The following MYO16 variants were observed in gnomAD, a reference collection of about 807,000 sequenced individuals.
The protein encoded by MYO16 is myosin XVI.
In MYO16, 94 loss-of-function variants were observed where a neutral mutation model predicts 205.3. That is an observed-to-expected ratio of 0.46 (90% CI 0.39 to 0.54). The LOEUF (loss-of-function observed/expected upper bound fraction) is 0.54, where lower values mean the gene tolerates loss of function less well. Among genes scored for constraint, MYO16 ranks in the 20% least tolerant of loss-of-function variants. The probability of loss-of-function intolerance (pLI) is 0.00; values close to 1 mark genes in which losing one functional copy is unlikely to be tolerated. For synonymous variants in MYO16, 988 were observed against 954.0 expected, an observed-to-expected ratio of 1.04 and a Z score of -0.66; for missense variants, 2,315 against 2,387.5, an observed-to-expected ratio of 0.97 and a Z score of 0.63.
the MYO16 span, among the ~76,000 whole-genome samples, chr13:108,510,437 T>TC: frequency 7.2e-6 from 1 of 138,058 alleles, no homozygotes; most frequent in African/African-American, 2.7e-5. Flanking sequence ...TTTTTTTTTT[T>TC]TTTTATATTT....
the MYO16 span, among the ~76,000 whole-genome samples, chr13:108,522,285 G>A: frequency 6.6e-6 from 1 of 152,100 alleles, no homozygotes; most frequent in African/African-American, 2.4e-5. Context: ...AGAAAATCTG[G>A]CAAGTCTATT....
At chr13:108,923,946 T>A (rs113657789) in intron 16 of MYO16, among the ~76,000 whole-genome samples, 3 of 152,232 alleles carry the variant, frequency 2.0e-5, no homozygotes, top group Non-Finnish European at 4.4e-5. Flanking sequence ...GGCCGTTACA[T>A]TTCATGTTGT....
intron 23 of MYO16, among the ~76,000 whole-genome samples, chr13:109,042,394 A>G (rs1036724462): frequency 2.0e-5 from 3 of 152,198 alleles, no homozygotes; most frequent in Admixed American, 6.5e-5. Context: ...ACAATGTGCT[A>G]TTGTGAATCC....
At chr13:109,022,706 T>C (rs1566466704) in intron 23 of MYO16, among the ~76,000 whole-genome samples, 1 of 113,888 alleles carries the variant, frequency 8.8e-6, no homozygotes, top group East Asian at 2.4e-4. Context: ...ATTTATATAT[T>C]ATATATACGC....
chr13:109,129,981 C>CAA (rs34860945), intron 31 of MYO16, among the ~76,000 whole-genome samples: 3 of 98,996 alleles, frequency 3.0e-5, no homozygotes, highest in Non-Finnish European at 6.0e-5. Context: ...CTATGGGCAG[C>CAA]AAAAAAAAAA....
At position 109,140,250 on chromosome 13, in the gene MYO16, C is replaced by A. The variant is rs779609231; in HGVS notation, c.4052-14C>A. 6 of 1,597,664 alleles carry A rather than the reference C, an allele frequency of 3.8e-6. No homozygotes were observed. Among genetic ancestry groups the A allele is most frequent in the East Asian group, 2.2e-5 (1 of 44,566 alleles). ...TGGCCTGGCACCCACTGACCGCGTC[C>A]TTTCCTGCCGCAGCTCTGGCCCGGC... On this transcript the variant is annotated splice_polypyrimidine_tract_variant and intron_variant, in intron 31 of 34. Coordinates refer to ENST00000457511, the MANE Select transcript of MYO16 (RefSeq NM_001198950.3). This position sits in a 1 kb window ranked among gnomAD's most constrained non-coding sequence, Gnocchi z 8.0.
At chr13:108,797,304 A>T (rs1886823952) in intron 6 of MYO16, among the ~76,000 whole-genome samples, 1 of 152,208 alleles carries the variant, frequency 6.6e-6, no homozygotes, top group Non-Finnish European at 1.5e-5. Context: ...AGATCTCTAG[A>T]TGAAAGAAAG....
chr13:108,876,828 A>G (rs1300278535), intron 12 of MYO16, among the ~76,000 whole-genome samples: 1 of 151,992 alleles, frequency 6.6e-6, no homozygotes, highest in Non-Finnish European at 1.5e-5. Context: ...CACCACACCC[A>G]CCTAATTTTT....
At chr13:108,896,107 G>GAACA (rs1195013763) in intron 14 of MYO16, among the ~76,000 whole-genome samples, 1 of 152,060 alleles carries the variant, frequency 6.6e-6, no homozygotes, top group Non-Finnish European at 1.5e-5. Context: ...ACTGTTAGGG[G>GAACA]AACAAGTTAT....
chr13:108,516,787 A>G, the MYO16 span, among the ~76,000 whole-genome samples: 4 of 152,034 alleles, frequency 2.6e-5, no homozygotes, highest in African/African-American at 9.7e-5. Flanking sequence ...AGAATTATTC[A>G]TTTTTGCTGT....
intron 31 of MYO16, among the ~76,000 whole-genome samples, chr13:109,133,330 C>T (rs577165352): frequency 2.0e-5 from 3 of 152,192 alleles, no homozygotes; most frequent in African/African-American, 2.4e-5. Flanking sequence ...GAGTTACACA[C>T]GCAGACACTG....
At chr13:108,737,364 T>C (rs1416753071) in intron 4 of MYO16, among the ~76,000 whole-genome samples, 1 of 152,240 alleles carries the variant, frequency 6.6e-6, no homozygotes, top group Non-Finnish European at 1.5e-5. Context: ...TTGAATTTTT[T>C]CAAAGGCCTT....
At chr13:109,120,816 G>A (rs1444608346) in intron 29 of MYO16, among the ~76,000 whole-genome samples, 3 of 152,242 alleles carry the variant, frequency 2.0e-5, no homozygotes, top group African/African-American at 4.8e-5. Context: ...TCAGGAGGCT[G>A]AGGCAGGAGG....
At chr13:108,826,327 A>G (rs1876263687) in intron 9 of MYO16, among the ~76,000 whole-genome samples, 1 of 152,156 alleles carries the variant, frequency 6.6e-6, no homozygotes, top group South Asian at 2.1e-4. Flanking sequence ...GGGAAAGAAT[A>G]GCCTTTTACA....
intron 16 of MYO16, among the ~76,000 whole-genome samples, chr13:108,943,959 C>T (rs928065706): frequency 6.6e-6 from 1 of 152,228 alleles, no homozygotes; most frequent in Admixed American, 6.5e-5. Context: ...AAGAGATGTC[C>T]TCTCTGAAAA....
At chr13:108,901,497 G>T (rs1880705758) in intron 15 of MYO16, among the ~76,000 whole-genome samples, 1 of 152,108 alleles carries the variant, frequency 6.6e-6, no homozygotes, top group Admixed American at 6.6e-5. Flanking sequence ...GATAGTTCAA[G>T]GCCCAGAAAA....
At chr13:109,056,128 A>G (rs1887412423) in intron 27 of MYO16, 1 of 153,496 alleles carries the variant, frequency 6.5e-6, no homozygotes, top group Non-Finnish European at 1.5e-5. Context: ...GCCATGGTGT[A>G]AAATATTTGT....
At chr13:109,155,512 G>C (rs2139847752) in intron 32 of MYO16, among the ~76,000 whole-genome samples, 1 of 152,266 alleles carries the variant, frequency 6.6e-6, no homozygotes, top group East Asian at 1.9e-4. Context: ...GGTCTGCAGT[G>C]ATGTATTTTT....
intron 34 of MYO16, among the ~76,000 whole-genome samples, chr13:109,193,616 A>AAAAC (rs1225798472): frequency 6.6e-6 from 1 of 152,238 alleles, no homozygotes; most frequent in Non-Finnish European, 1.5e-5. Context: ...TGTGTCCTGC[A>AAAAC]AAACAATGTA....
Sources: gnomAD v4.1 joint callset for allele counts (sites outside exome capture counted in the v4.1 genomes callset) on GRCh38, gnomAD v4.1.1 for gene constraint, Gnocchi (gnomAD v3.1) non-coding constraint, MANE v1.5 for transcripts, NCBI Gene and HGNC (gene_info 2026-07-23, HGNC 2026-07-21) for gene names.